The following ICAM1 variants were observed in gnomAD, a reference collection of about 807,000 sequenced individuals.
ICAM1 encodes intercellular adhesion molecule 1, also known as ICAM-1.
In ICAM1, 28 loss-of-function variants were observed where a neutral mutation model predicts 42.3. The ratio of observed to expected loss-of-function variants is 0.66; its 90% CI spans 0.49 to 0.91. The LOEUF is 0.91. Ranked by LOEUF, ICAM1 falls within the 40% of genes least tolerant of loss-of-function variation. ICAM1 has a pLI of 0.00. For missense variants in ICAM1, 637 were observed against 688.6 expected (o/e 0.93, Z 0.84); for synonymous variants, 304 against 305.9 (o/e 0.99, Z 0.07).
chr19:10,272,177 C>T (rs1205471762), intron 1 of ICAM1, among the ~76,000 whole-genome samples: 5 of 152,114 alleles, frequency 3.3e-5, no homozygotes, highest in African/African-American at 4.8e-5. Context: ...CCCAGCTGCT[C>T]GGGAGGCTGA....
At chr19:10,275,960 G>A (rs547084273) in intron 2 of ICAM1, among the ~76,000 whole-genome samples, 20 of 150,890 alleles carry the variant, frequency 1.3e-4, no homozygotes, top group Non-Finnish European at 7.4e-5. Context: ...CGCCCGCCTC[G>A]GCCTCCCAAA....
rs2040089533 is a variant in ICAM1 at position 10,284,714 on chromosome 19, G to T, written c.1180+57G>T. ...CCCCCAAGGCCCAATCTCCCTGAAGGTCCCATAAGGTCTTGCCTCCAAGTC... is the reference window on the plus strand; with the variant it reads ...CCCCCAAGGCCCAATCTCCCTGAAGTTCCCATAAGGTCTTGCCTCCAAGTC... On this transcript the variant is annotated intron_variant, in intron 5 of 6. Coordinates refer to ENST00000264832, the MANE Select transcript of ICAM1 (RefSeq NM_000201.3). This position sits in a 1 kb window ranked among gnomAD's most constrained non-coding sequence, Gnocchi z 5.4. 6.2e-7 allele frequency: 1 copy of T among 1,609,058 alleles called. No individual in the cohort carries two copies. The highest frequency in any genetic ancestry group is 8.5e-7 in the Non-Finnish European group (1 of 1,178,604).
chr19:10,280,625 A>G (rs1568293917), intron 2 of ICAM1, among the ~76,000 whole-genome samples: 1 of 151,706 alleles, frequency 6.6e-6, no homozygotes. Context: ...GCTGAAGTGC[A>G]ATGGCAGGAT....
chr19:10,276,602 G>T (rs570309804), intron 2 of ICAM1, among the ~76,000 whole-genome samples: 1 of 150,596 alleles, frequency 6.6e-6, no homozygotes, highest in South Asian at 2.1e-4. Flanking sequence ...CTATTGGAAC[G>T]TAGGAGGTCC....
At position 10,274,866 on chromosome 19, in the gene ICAM1, T is replaced by A; in HGVS notation, c.169T>A (p.Leu57Met). The change falls in exon 2 of 7, where the codon TTG (leucine) becomes ATG (methionine). Residue 57 changes from leucine (L) to methionine (M), a missense_variant. Physicochemically the swap from Leu to Met is conservative, Grantham distance 15. Transcript: ENST00000264832. ...TCSTSCDQPK[L>M]LGIETPLPKK... ...CAGCACCTCCTGTGACCAGCCCAAG[T>A]TGTTGGGCATAGAGACCCCGTTGCC... 6.2e-7 allele frequency: 1 copy of A among 1,614,206 alleles called. No homozygotes were observed. The highest frequency in any genetic ancestry group is 8.5e-7 in the Non-Finnish European group (1 of 1,180,036).
rs376560799 is a variant in ICAM1, at chr19:10,271,128, C to T, written c.-32C>T. On this transcript the variant is annotated 5_prime_UTR_variant, in exon 1 of 7. Transcript: ENST00000264832. ...GCGCCCCAGTCGACGCTGAGCTCCT[C>T]TGCTACTCAGAGTTGCAACCTCAGC... 110 of 1,596,028 alleles carry T rather than the reference C, an allele frequency of 6.9e-5. 2 individuals carry two copies. The African/African-American group carries it at 1.2e-3, about 18-fold the overall frequency.
chr19:10,276,571 A>G lies in ICAM1; in HGVS notation c.331+1543A>G, dbSNP rs536907249. Among the ~76,000 whole-genome samples, 3 of 146,400 alleles carry G rather than the reference A, an allele frequency of 2.0e-5. No homozygotes were observed. In the South Asian group the frequency reaches 6.6e-4, roughly 32 times the overall value. On this transcript the variant is annotated intron_variant, in intron 2 of 6. Transcript: ENST00000264832. ...AAAAAAAAAAAAAAAAAAAGAATTG[A>G]TAACAGCTGTGCTGCCAAGGCTATT...
In ICAM1 at chr19:10,286,547, C is replaced by A. The variant is rs923366; in HGVS notation, c.*1260C>A. The A allele has an allele frequency of 6.5e-6, 1 of 153,630 alleles. No homozygotes were observed. The highest frequency in any genetic ancestry group is 1.4e-5 in the Non-Finnish European group (1 of 70,504). The allele number at this position is 153,630 out of a possible 1,614,324, so 9.5% of individuals were successfully genotyped here. A position where few individuals can be genotyped will look rare whatever the true frequency, so the allele number is the denominator to read the frequency against. On this transcript the variant is annotated 3_prime_UTR_variant, in exon 7 of 7. Transcript: ENST00000264832. ...GGCAAATTTGATTTTTTTTTTTTTT[C>A]CAGAGACGGGGTCTCGCAACATTGC...
rs1294380638 is a variant in ICAM1, at chr19:10,283,483, A to G, written c.334A>G (p.Thr112Ala). The change falls in exon 3 of 7, where the codon ACT (threonine) becomes GCT (alanine). Residue 112 changes from threonine to alanine, a missense_variant and splice_region_variant. Coordinates refer to ENST00000264832, the MANE Select transcript of ICAM1 (RefSeq NM_000201.3). ...CCCCCACCTCTGTTTTCCTGCAGGG[A>G]CTCCAGAACGGGTGGAACTGGCACC... ...TAKTFLTVYW[T>A]PERVELAPLP... The G allele has an allele frequency of 4.5e-6, 7 of 1,543,818 alleles. No homozygotes were observed. The South Asian group carries it at 7.4e-5, about 16-fold the overall frequency.
intron 1 of ICAM1, among the ~76,000 whole-genome samples, chr19:10,274,208 T>C (rs1479273671): frequency 6.6e-6 from 1 of 152,082 alleles, no homozygotes; most frequent in Non-Finnish European, 1.5e-5. Flanking sequence ...AGATCTCTGC[T>C]GAAACATTAC....
At chr19:10,275,071 G>A in intron 2 of ICAM1, 43 bp downstream of exon 2, 1 of 1,596,362 alleles carries the variant, frequency 6.3e-7, no homozygotes, top group Non-Finnish European at 8.5e-7. Context: ...CAGACCCGGT[G>A]GGAGAGACGT....
chr19:10,279,438 A>G (rs2040040182), intron 2 of ICAM1, among the ~76,000 whole-genome samples: 1 of 152,042 alleles, frequency 6.6e-6, no homozygotes, highest in African/African-American at 2.4e-5. Flanking sequence ...ACTACTCTGG[A>G]GGCTCAAGTG....
In ICAM1 at chr19:10,271,201, G is replaced by A. The variant is rs1305983935; in HGVS notation, c.42G>A (p.Leu14=). 3.7e-6 allele frequency: 6 copies of A among 1,613,332 alleles called. No homozygotes were observed. The highest frequency in any genetic ancestry group is 5.1e-6 in the Non-Finnish European group (6 of 1,179,844). The change falls in exon 1 of 7, where the codon CTG becomes CTA. Residue 14 remains leucine (L), a synonymous_variant. Transcript: ENST00000264832. ...SSPRPALPAL[L]VLLGALFPGP... ...CCCGGCCCGCGCTGCCCGCACTCCT[G>A]GTCCTGCTCGGGGCTCTGTTCCCAG... is the stretch of plus-strand genomic sequence containing the variant.
chr19:10,275,600 G>A (rs2040010411), intron 2 of ICAM1, among the ~76,000 whole-genome samples: 1 of 152,110 alleles, frequency 6.6e-6, no homozygotes, highest in South Asian at 2.1e-4. Context: ...AAGTGTGGTG[G>A]CTTGTACCTA....
At chr19:10,272,568 T>TC (rs2039989799) in intron 1 of ICAM1, among the ~76,000 whole-genome samples, 2 of 115,554 alleles carry the variant, frequency 1.7e-5, no homozygotes, top group South Asian at 5.6e-4. Context: ...TTCTTTTTTT[T>TC]TTTTTTTTTT....
intron 2 of ICAM1, among the ~76,000 whole-genome samples, chr19:10,282,644 A>G (rs1016934031): frequency 6.6e-6 from 1 of 150,682 alleles, no homozygotes; most frequent in East Asian, 1.9e-4. Flanking sequence ...CCTTGGCCTC[A>G]CAAAGTGCTA....
rs139628843 is a variant in ICAM1, at chr19:10,284,166, G to C, written c.771G>C (p.Gln257His). ...EAQVHLALGD[Q>H]RLNPTVTYGN... Reference sequence around the variant, plus strand: ...AGGTCCACCTGGCACTGGGGGACCAGAGGTTGAACCCCACAGTCACCTATG... The same window carrying C: ...AGGTCCACCTGGCACTGGGGGACCACAGGTTGAACCCCACAGTCACCTATG... The change falls in exon 4 of 7, where the codon CAG (glutamine) becomes CAC (histidine). Residue 257 changes from glutamine to histidine, a missense_variant. Gln to His is a conservative substitution (Grantham distance 24). Transcript: ENST00000264832. This position sits in a 1 kb window ranked among gnomAD's most constrained non-coding sequence, Gnocchi z 5.4. The C allele has an allele frequency of 8.1e-6, 13 of 1,613,982 alleles. No individual in the cohort carries two copies. Among genetic ancestry groups the C allele is most frequent in the African/African-American group, 4.0e-5 (3 of 74,936 alleles).
chr19:10,272,555 CTTT>C (rs772057876), intron 1 of ICAM1, among the ~76,000 whole-genome samples: 1 of 108,512 alleles, frequency 9.2e-6, no homozygotes, highest in Non-Finnish European at 1.9e-5. Context: ...TCTTTCTTTT[CTTT>C]TCTTTTTTTT....
chr19:10,279,253 G>C (rs1466494542), intron 2 of ICAM1, among the ~76,000 whole-genome samples: 1 of 152,046 alleles, frequency 6.6e-6, no homozygotes, highest in Admixed American at 6.6e-5. Flanking sequence ...GAGGAGGTAG[G>C]TTGGTGTAGG....
Sources: allele counts gnomAD v4.1 joint callset (sites outside exome capture counted in the v4.1 genomes callset), GRCh38; gene constraint gnomAD v4.1.1; non-coding constraint Gnocchi (gnomAD v3.1); transcripts MANE v1.5; gene names NCBI Gene and HGNC (gene_info 2026-07-23, HGNC 2026-07-21).